ARHGAP42: variants seen among roughly 807,000 people sequenced by gnomAD.
ARHGAP42 encodes the protein Rho GTPase activating protein 42.
Under a neutral mutation model 125.0 loss-of-function variants are expected in ARHGAP42, and 63 were observed. The observed-to-expected ratio is 0.50, with a 90% CI of 0.41 to 0.62. The LOEUF is 0.62. ARHGAP42 is among the 20% of genes least tolerant of loss of function. The pLI is 0.00. For synonymous variants in ARHGAP42, 339 were observed against 351.0 expected (o/e 0.97, Z 0.38); for missense variants, 766 against 1,024.2 (o/e 0.75, Z 3.44).
chr11:100,852,830 C>T (rs1464259549), intron 3 of ARHGAP42, among the ~76,000 whole-genome samples: 1 of 152,132 alleles, frequency 6.6e-6, no homozygotes, highest in Non-Finnish European at 1.5e-5. Context: ...ATTGTGCCAC[C>T]AGAGGTACAA....
At chr11:100,931,702 T>C (rs567377859) in intron 6 of ARHGAP42, among the ~76,000 whole-genome samples, 56 of 152,316 alleles carry the variant, frequency 3.7e-4, no homozygotes, top group African/African-American at 1.3e-3. Context: ...AGAAGACTAC[T>C]GTTTTATATA....
intron 2 of ARHGAP42, 132 bp from the exon 3 acceptor site, chr11:100,794,973 T>C (rs1863673184): frequency 5.1e-6 from 3 of 585,832 alleles, no homozygotes; most frequent in Non-Finnish European, 8.4e-6. Flanking sequence ...ATATAGTATA[T>C]TCAAATTAAT....
intron 5 of ARHGAP42, among the ~76,000 whole-genome samples, chr11:100,915,292 A>G (rs1457487231): frequency 6.6e-6 from 1 of 152,194 alleles, no homozygotes. Context: ...AATACATTGC[A>G]CTAGAATAAA....
At chr11:100,708,153 C>T (rs6590811) in intron 1 of ARHGAP42, among the ~76,000 whole-genome samples, 79,546 of 151,908 alleles carry the variant, frequency 0.52, 21,679 homozygotes, top group African/African-American at 0.7. Context: ...GGTAATGCCT[C>T]CTTTTTAAAA....
At chr11:100,985,576 T>C (rs747339335) in intron 22 of ARHGAP42, among the ~76,000 whole-genome samples, 33 of 152,234 alleles carry the variant, frequency 2.2e-4, no homozygotes, top group Non-Finnish European at 4.1e-4. Flanking sequence ...CATGTGTTCA[T>C]GTGCACACAC....
At chr11:100,779,569 T>TAC (rs1233322920) in intron 2 of ARHGAP42, among the ~76,000 whole-genome samples, 9 of 147,776 alleles carry the variant, frequency 6.1e-5, no homozygotes, top group African/African-American at 1.5e-4. Context: ...TACGTATATA[T>TAC]ACGTATATAT....
chr11:100,893,029 A>G (rs1451486779), intron 4 of ARHGAP42, among the ~76,000 whole-genome samples: 1 of 152,136 alleles, frequency 6.6e-6, no homozygotes, highest in Admixed American at 6.6e-5. Flanking sequence ...TTCACCTTGG[A>G]TTTCCCTTTC....
intron 18 of ARHGAP42, among the ~76,000 whole-genome samples, chr11:100,974,176 G>A (rs917948069): frequency 6.6e-5 from 10 of 152,124 alleles, no homozygotes; most frequent in Non-Finnish European, 1.0e-4. Context: ...GTATGAAGGT[G>A]GAAAGAGAGT....
chr11:100,708,584 C>G (rs1861513961), intron 1 of ARHGAP42, among the ~76,000 whole-genome samples: 1 of 151,968 alleles, frequency 6.6e-6, no homozygotes, highest in Non-Finnish European at 1.5e-5. Context: ...ATTATAATGA[C>G]ACTAGTTTTT....
rs148516063 is a variant in ARHGAP42, at chr11:100,942,176, A to G, written c.933+292A>G. ...TTTCCGGCAGCAGAGTTATTTGTCT[A>G]TGCTGTTGGTTGGCTAGCAGCCCAG... On this transcript the variant is annotated intron_variant, in intron 9 of 23. Coordinates refer to ENST00000298815, the MANE Select transcript of ARHGAP42 (RefSeq NM_152432.4). Among the ~76,000 whole-genome samples the G allele has an allele frequency of 2.6e-5, 4 of 152,212 alleles. No individual in the cohort carries two copies. In the South Asian group the frequency reaches 6.2e-4, roughly 24 times the overall value.
chr11:100,863,366 C>T (rs1465632320), intron 4 of ARHGAP42, among the ~76,000 whole-genome samples: 1 of 152,158 alleles, frequency 6.6e-6, no homozygotes, highest in Non-Finnish European at 1.5e-5. Flanking sequence ...CAGTCAGCGA[C>T]CTCTTCAGCT....
At chr11:100,953,818 G>A (rs1857727919) in intron 12 of ARHGAP42, among the ~76,000 whole-genome samples, 1 of 14,672 alleles carries the variant, frequency 6.8e-5, no homozygotes, top group Admixed American at 8.6e-4. Flanking sequence ...CAATATCCAT[G>A]AAATTGTAAG....
chr11:100,987,541 G>A lies in ARHGAP42; in HGVS notation c.2485G>A (p.Ala829Thr), dbSNP rs1259511336. The A allele has an allele frequency of 6.4e-7, 1 of 1,551,854 alleles. No individual in the cohort carries two copies. ...AGCCAAAGCCATGTACTCCTGTAAA[G>A]CAGAGCACAGTCATGAGCTTTCCTT... Reference protein sequence around the residue: ...RQAKAMYSCKAEHSHELSFPQ... With the variant: ...RQAKAMYSCKTEHSHELSFPQ... Residue 829 changes from alanine to threonine, a missense_variant, in exon 23 of 24, where the codon GCA becomes ACA. Physicochemically the swap from Ala to Thr is moderately conservative, Grantham distance 58. Coordinates refer to ENST00000298815, the MANE Select transcript of ARHGAP42 (RefSeq NM_152432.4).
chr11:100,986,143 G>A (rs1357724335), intron 22 of ARHGAP42: 1 of 449,912 alleles, frequency 2.2e-6, no homozygotes, highest in Non-Finnish European at 4.5e-6. Flanking sequence ...GTCTAGGGGA[G>A]AAGATAAAAA....
chr11:100,724,438 G>A (rs1240294347), intron 1 of ARHGAP42, among the ~76,000 whole-genome samples: 2 of 152,080 alleles, frequency 1.3e-5, no homozygotes, highest in African/African-American at 4.8e-5. Flanking sequence ...CAGTGAGACT[G>A]TATGCACCTA....
At chr11:100,696,800 C>A (rs1861292640) in intron 1 of ARHGAP42, among the ~76,000 whole-genome samples, 1 of 152,142 alleles carries the variant, frequency 6.6e-6, no homozygotes, top group Non-Finnish European at 1.5e-5. Flanking sequence ...CCTCTACCTC[C>A]TGTGGAGCTG....
chr11:100,721,566 G>A (rs1382562574), intron 1 of ARHGAP42, among the ~76,000 whole-genome samples: 5 of 151,432 alleles, frequency 3.3e-5, no homozygotes, highest in Non-Finnish European at 7.4e-5. Flanking sequence ...TCTGCCTCCC[G>A]GGTTCAAGCA....
chr11:100,737,852 T>C (rs1413777516), intron 1 of ARHGAP42, among the ~76,000 whole-genome samples: 2 of 152,186 alleles, frequency 1.3e-5, no homozygotes, highest in Non-Finnish European at 2.9e-5. Context: ...ACATCTCACA[T>C]TAGTGTTTTT....
At position 100,921,531 on chromosome 11, in the gene ARHGAP42, A is replaced by G. The variant is rs749979796; in HGVS notation, c.524A>G (p.Tyr175Cys). The change falls in exon 6 of 24, where the codon TAT becomes TGT. Residue 175 changes from tyrosine to cysteine, a missense_variant. This residue lies in a region of ARHGAP42 where 455 missense variants were observed against 636.5 expected (regional missense o/e 0.71). Transcript: ENST00000298815. ...TQIDREHQNF[Y>C]EASLEYVFKI... ...ATTGACCGAGAACATCAGAACTTCT[A>G]TGAAGCATCATTAGAATATGTCTTT... The G allele has an allele frequency of 1.6e-5, 25 of 1,547,226 alleles. No homozygotes were observed. The highest frequency in any genetic ancestry group is 1.7e-4 in the Middle Eastern group (1 of 5,948).
Sources: gnomAD v4.1 joint callset for allele counts (sites outside exome capture counted in the v4.1 genomes callset) on GRCh38, gnomAD v4.1.1 for gene constraint, gnomAD v4.1.1 regional missense constraint, MANE v1.5 for transcripts, NCBI Gene and HGNC (gene_info 2026-07-23, HGNC 2026-07-21) for gene names.